The following TAAR2 variants were observed in gnomAD, a reference collection of about 807,000 sequenced individuals.
The protein encoded by TAAR2 is trace amine-associated receptor 2.
A neutral mutation model predicts 25.5 loss-of-function variants in TAAR2; 30 were observed. The ratio of observed to expected loss-of-function variants is 1.18; its 90% CI spans 0.88 to 1.60. The LOEUF is 1.60. Ranked by LOEUF, TAAR2 falls within the 40% of genes most tolerant of loss-of-function variation. The probability of loss-of-function intolerance (pLI) is 0.00; values close to 1 mark genes in which losing one functional copy is unlikely to be tolerated. For missense variants in TAAR2, 481 were observed against 416.5 expected (o/e 1.15, Z -1.35); for synonymous variants, 150 against 142.4 (o/e 1.05, Z -0.38).
chr6:132,618,928 C>T (rs1359415216), intron 1 of TAAR2, among the ~76,000 whole-genome samples: 1 of 152,194 alleles, frequency 6.6e-6, no homozygotes, highest in East Asian at 1.9e-4. Context: ...ATTATTTTCA[C>T]TGTGCTGTGT....
rs140468873 is a variant in TAAR2 at position 132,618,079 on chromosome 6, G to T, written c.127C>A (p.Arg43=). ...CPENERSLGV[R]VAMYSFMAGS... is the part of the protein sequence containing the mutation. Reference sequence around the variant, plus strand: ...GCCATAAATGAATACATAGCCACTCGGACACCCAGAGATCTTTCATTTTCT... The same window carrying T: ...GCCATAAATGAATACATAGCCACTCTGACACCCAGAGATCTTTCATTTTCT... The change falls in exon 2 of 2, where the codon CGA becomes AGA. Residue 43 remains arginine (R), a synonymous_variant. Transcript: ENST00000367931. 2 of 1,613,658 alleles carry T rather than the reference G, an allele frequency of 1.2e-6. No individual in the cohort carries two copies. The highest frequency in any genetic ancestry group is 1.7e-6 in the Non-Finnish European group (2 of 1,179,828).
At chr6:132,620,626 C>A (rs977579597) in intron 1 of TAAR2, among the ~76,000 whole-genome samples, 1 of 151,722 alleles carries the variant, frequency 6.6e-6, no homozygotes, top group South Asian at 2.1e-4. Flanking sequence ...GGGGCCAGAG[C>A]GGGGAGGAGG....
In TAAR2 at chr6:132,617,850, T is replaced by A. The variant is rs1378336962; in HGVS notation, c.356A>T (p.Tyr119Phe). Residue 119 changes from tyrosine to phenylalanine, a missense_variant, in exon 2 of 2, where the codon TAT becomes TTT. Tyr to Phe is a conservative substitution (Grantham distance 22). Coordinates refer to ENST00000367931, the MANE Select transcript of TAAR2 (RefSeq NM_001033080.1). Reference protein sequence around the residue: ...WYFGLTFCKIYYSFDLMLSIT... With the variant: ...WYFGLTFCKIFYSFDLMLSIT... Reference sequence around the variant, plus strand: ...GCTAAGCATCAGGTCAAAACTATAATAAATCTTGCAAAATGTAAGCCCAAA... The same window carrying A: ...GCTAAGCATCAGGTCAAAACTATAAAAAATCTTGCAAAATGTAAGCCCAAA... The A allele has an allele frequency of 6.2e-7, 1 of 1,614,036 alleles. No homozygotes were observed. The highest frequency in any genetic ancestry group is 8.5e-7 in the Non-Finnish European group (1 of 1,179,980).
In TAAR2 at chr6:132,617,895, G is replaced by T. The variant is rs550125345; in HGVS notation, c.311C>A (p.Ser104Ter). The change falls in exon 2 of 2, where the codon TCG (serine) becomes TAG (stop). Residue 104 changes from serine to a stop codon, truncating the protein, a stop_gained. Coordinates refer to ENST00000367931, the MANE Select transcript of TAAR2 (RefSeq NM_001033080.1). LOFTEE classifies it high-confidence loss of function. ...FTIMPYSMIR[S>*]VENCWYFGLT... is the part of the protein sequence containing the mutation. ...CCCAAAATACCAGCAGTTCTCCACC[G>T]ATCTGATCATACTATATGGCATGAT... The T allele has an allele frequency of 6.2e-7, 1 of 1,613,892 alleles. No homozygotes were observed. The highest frequency in any genetic ancestry group is 8.5e-7 in the Non-Finnish European group (1 of 1,179,974).
Position 132,617,954 on chromosome 6 carries a change from G to A in TAAR2, c.252C>T (p.Ser84=). The part of the protein sequence containing the change: ...LHTPTNFLIL[S]MAITDFLLGF... ...CCAGGAGGAAATCAGTGATGGCCATGGAGAGGATGAGGAAGTTGGTTGGTG... is the reference window on the plus strand; with the variant it reads ...CCAGGAGGAAATCAGTGATGGCCATAGAGAGGATGAGGAAGTTGGTTGGTG... The change falls in exon 2 of 2, where the codon TCC becomes TCT. Residue 84 remains serine, a synonymous_variant. Transcript: ENST00000367931. 1.2e-6 allele frequency: 2 copies of A among 1,614,026 alleles called. No homozygotes were observed. Among genetic ancestry groups the A allele is most frequent in the African/African-American group, 1.3e-5 (1 of 75,050 alleles).
chr6:132,620,870 T>C (rs746116690), intron 1 of TAAR2, among the ~76,000 whole-genome samples: 8 of 150,856 alleles, frequency 5.3e-5, no homozygotes, highest in Non-Finnish European at 1.0e-4. Context: ...TTGCTATTCC[T>C]AACATTGTCA....
intron 1 of TAAR2, 32 bp from the exon 2 acceptor site, chr6:132,618,177 C>T (rs1402378731): frequency 6.5e-7 from 1 of 1,527,126 alleles, no homozygotes; most frequent in Non-Finnish European, 8.8e-7. Flanking sequence ...AGAATTTTGT[C>T]AGAATATAAA....
rs137948909 is a variant in TAAR2, at chr6:132,623,243, A to G, written c.60+973T>C. On this transcript the variant is annotated intron_variant, in intron 1 of 1. Coordinates refer to ENST00000367931, the MANE Select transcript of TAAR2 (RefSeq NM_001033080.1). ...TTTGCTCAGCCACTTATAAGGAGGT[A>G]AGCTTTTCCAGGATTCTAAATATTC... Among the ~76,000 whole-genome samples, 183 of 152,336 alleles carry G rather than the reference A, an allele frequency of 1.2e-3. 1 individual carries two copies. Among genetic ancestry groups the G allele is most frequent in the Non-Finnish European group, 2.1e-3 (143 of 68,028 alleles).
rs749799056 is a variant in TAAR2 at position 132,617,213 on chromosome 6, T to C, written c.993A>G (p.Leu331=). Residue 331 remains leucine (L), a synonymous_variant, in exon 2 of 2, where the codon CTA becomes CTG. Transcript: ENST00000367931. ...WFRRALKYIL[L]GKIFSSCFHN... ...GGAAACATGAGCTGAAAATTTTACC[T>C]AGCAAAATGTACTTCAGTGCTCTGC... The C allele has an allele frequency of 6.2e-6, 10 of 1,607,698 alleles. 1 individual carries two copies. In the South Asian group the frequency reaches 1.1e-4, roughly 18 times the overall value.
rs1777326004 is a variant in TAAR2 at position 132,618,112 on chromosome 6, A to T, written c.94T>A (p.Ser32Thr). The change falls in exon 2 of 2, where the codon TCT (serine) becomes ACT (threonine). Residue 32 changes from serine to threonine, a missense_variant. By Grantham distance (58) the Ser-to-Thr change is moderately conservative. Transcript: ENST00000367931. ...KFNCSEYGNR[S>T]CPENERSLGV... ...AGAGATCTTTCATTTTCTGGGCAAG[A>T]TCTATTTCCATATTCAGAGCAATTG... The T allele has an allele frequency of 2.5e-6, 4 of 1,608,932 alleles. No individual in the cohort carries two copies. Among genetic ancestry groups the T allele is most frequent in the Non-Finnish European group, 3.4e-6 (4 of 1,177,646 alleles).
Position 132,618,119 on chromosome 6 carries a change from T to G in TAAR2, c.87A>C (p.Gly29=), listed in dbSNP as rs756557471. The G allele has an allele frequency of 8.7e-6, 14 of 1,601,470 alleles. No individual in the cohort carries two copies. The highest frequency in any genetic ancestry group is 1.2e-5 in the Non-Finnish European group (14 of 1,174,446). The change falls in exon 2 of 2, where the codon GGA becomes GGC. Residue 29 remains glycine, a synonymous_variant. Coordinates refer to ENST00000367931, the MANE Select transcript of TAAR2 (RefSeq NM_001033080.1). ...KKEKFNCSEY[G]NRSCPENERS... ...TTTCATTTTCTGGGCAAGATCTATTTCCATATTCAGAGCAATTGAATTTTT... is the reference window on the plus strand; with the variant it reads ...TTTCATTTTCTGGGCAAGATCTATTGCCATATTCAGAGCAATTGAATTTTT...
At chr6:132,618,231 G>C in intron 1 of TAAR2, 86 bp from the exon 2 acceptor site, 1 of 1,243,902 alleles carries the variant, frequency 8.0e-7, no homozygotes, top group Non-Finnish European at 1.1e-6. Context: ...ACTCAAGAAA[G>C]GCAGAGAAGA....
At chr6:132,622,624 T>C (rs985825107) in intron 1 of TAAR2, among the ~76,000 whole-genome samples, 5 of 151,786 alleles carry the variant, frequency 3.3e-5, no homozygotes, top group Non-Finnish European at 7.4e-5. Context: ...TAGCTGGGAC[T>C]ACAGGCACGT....
rs1164739082 is a variant in TAAR2, at chr6:132,624,232, C to T, written c.44G>A (p.Arg15Lys). 7 of 1,613,274 alleles carry T rather than the reference C, an allele frequency of 4.3e-6. No individual in the cohort carries two copies. Among genetic ancestry groups the T allele is most frequent in the African/African-American group, 2.7e-5 (2 of 74,864 alleles). Reference protein sequence around the residue: ...SEQHELSHFKRTQTKKEKFNC... With the variant: ...SEQHELSHFKKTQTKKEKFNC... ...AGGGCCTACCTTTTTTGTCTGTGTTCTTTTGAAATGTGAAAGTTCATGTTG... is the reference window on the plus strand; with the variant it reads ...AGGGCCTACCTTTTTTGTCTGTGTTTTTTTGAAATGTGAAAGTTCATGTTG... Residue 15 changes from arginine to lysine, a missense_variant, in exon 1 of 2, where the codon AGA (arginine) becomes AAA (lysine). Physicochemically the swap from Arg to Lys is conservative, Grantham distance 26 (BLOSUM62 2). Coordinates refer to ENST00000367931, the MANE Select transcript of TAAR2 (RefSeq NM_001033080.1).
intron 1 of TAAR2, among the ~76,000 whole-genome samples, chr6:132,623,671 TAAC>T (rs1345039359): frequency 6.9e-6 from 1 of 145,914 alleles, no homozygotes; most frequent in East Asian, 2.1e-4. Context: ...ATTTATAACT[TAAC>T]AATTCGTCTT....
intron 1 of TAAR2, among the ~76,000 whole-genome samples, chr6:132,620,685 C>T (rs1409904933): frequency 6.6e-6 from 1 of 151,804 alleles, no homozygotes. Flanking sequence ...GTACTGGGCT[C>T]AATACAGGGG....
chr6:132,623,454 G>A (rs1383310215), intron 1 of TAAR2, among the ~76,000 whole-genome samples: 2 of 152,154 alleles, frequency 1.3e-5, no homozygotes, highest in Admixed American at 6.6e-5. Context: ...GCAATCGACG[G>A]CATTATCAGG....
intron 1 of TAAR2, among the ~76,000 whole-genome samples, chr6:132,620,802 T>G (rs966463919): frequency 2.2e-5 from 2 of 92,446 alleles, no homozygotes; most frequent in Admixed American, 2.0e-4. Context: ...AACATAAAAA[T>G]AAAAGTTAAA....
intron 1 of TAAR2, among the ~76,000 whole-genome samples, chr6:132,622,445 T>A (rs1043911783): frequency 6.7e-6 from 1 of 149,628 alleles, no homozygotes; most frequent in Non-Finnish European, 1.5e-5. Flanking sequence ...AATGCTTCAT[T>A]GGTAAATAAA....
Sources: gnomAD v4.1 joint callset for allele counts (sites outside exome capture counted in the v4.1 genomes callset) on GRCh38, gnomAD v4.1.1 for gene constraint, MANE v1.5 for transcripts, NCBI Gene and HGNC (gene_info 2026-07-23, HGNC 2026-07-21) for gene names.